The following KIAA1217 variants were observed in gnomAD, a reference collection of about 807,000 sequenced individuals.
KIAA1217 encodes KIAA1217.
Under a neutral mutation model 163.9 loss-of-function variants are expected in KIAA1217, and 88 were observed. The observed-to-expected ratio is 0.54, with a 90% CI of 0.45 to 0.64. The LOEUF (loss-of-function observed/expected upper bound fraction) is 0.64, where lower values mean the gene tolerates loss of function less well. Among genes scored for constraint, KIAA1217 ranks in the 30% least tolerant of loss-of-function variants. KIAA1217 has a pLI of 0.00. For synonymous variants in KIAA1217, 903 were observed against 923.1 expected (o/e 0.98, Z 0.39); for missense variants, 2,372 against 2,475.0 (o/e 0.96, Z 0.88).
chr10:24,411,040 A>G (rs2057726621), intron 3 of KIAA1217, among the ~76,000 whole-genome samples: 1 of 152,178 alleles, frequency 6.6e-6, no homozygotes, highest in Admixed American at 6.5e-5. Context: ...ACCTATTAAA[A>G]ACAATATCCA....
intron 2 of KIAA1217, among the ~76,000 whole-genome samples, chr10:24,142,710 A>T (rs1297790484): frequency 6.6e-6 from 1 of 152,232 alleles, no homozygotes; most frequent in East Asian, 1.9e-4. Context: ...AACCTTGAAC[A>T]TTGTCAAGAA....
intron 6 of KIAA1217, among the ~76,000 whole-genome samples, chr10:24,493,095 C>T (rs1476350304): frequency 2.6e-5 from 4 of 152,244 alleles, no homozygotes; most frequent in African/African-American, 9.6e-5. Flanking sequence ...ATCCGCCCAC[C>T]TGGGCCTCCC....
chr10:23,927,522 G>T (rs1843074584), intron 1 of KIAA1217, among the ~76,000 whole-genome samples: 1 of 152,168 alleles, frequency 6.6e-6, no homozygotes, highest in Non-Finnish European at 1.5e-5. Flanking sequence ...TTATTTTCCT[G>T]TGAGAGAAGG....
intron 2 of KIAA1217, among the ~76,000 whole-genome samples, chr10:24,129,358 T>A (rs1476154171): frequency 6.6e-6 from 1 of 152,050 alleles, no homozygotes; most frequent in Non-Finnish European, 1.5e-5. Flanking sequence ...AAATCAGGGG[T>A]AGGAGTTATA....
intron 11 of KIAA1217, among the ~76,000 whole-genome samples, chr10:24,521,026 T>TAAA (rs1176247725): frequency 1.1e-5 from 1 of 88,822 alleles, no homozygotes; most frequent in African/African-American, 4.2e-5. Flanking sequence ...ACCCCATCTC[T>TAAA]AAAAAAAAAA....
intron 2 of KIAA1217, among the ~76,000 whole-genome samples, chr10:24,065,139 T>C (rs1409742258): frequency 6.6e-6 from 1 of 152,244 alleles, no homozygotes; most frequent in Non-Finnish European, 1.5e-5. Context: ...TGTCTCTATT[T>C]CCTTCAGTTC....
chr10:23,730,388 G>T (rs763161893), intron 1 of KIAA1217, among the ~76,000 whole-genome samples: 5 of 152,048 alleles, frequency 3.3e-5, no homozygotes, highest in Admixed American at 3.3e-4. Context: ...CTACTGTTTG[G>T]CGAATACCGT....
rs370887613 is a variant in KIAA1217, at chr10:24,367,089, A to AT, written c.355-13773dup. ...CATGTTTTCACCCCTTTTCTTTCCT[A>AT]TTTTTTTCTTGTTTTCTCCTGGTCC... On this transcript the variant is annotated intron_variant, in intron 2 of 20. Coordinates refer to ENST00000376454, the MANE Select transcript of KIAA1217 (RefSeq NM_019590.5). 2.9e-3 allele frequency: 2,737 copies of AT among 936,910 alleles called. 80 individuals are homozygous for AT. The African/African-American group carries it at 0.047, about 16-fold the overall frequency. The allele number at this position is 936,910 out of a possible 1,614,324, so 58.0% of individuals were successfully genotyped here.
intron 2 of KIAA1217, among the ~76,000 whole-genome samples, chr10:24,182,310 C>T (rs1014112676): frequency 6.6e-6 from 1 of 152,110 alleles, no homozygotes; most frequent in Non-Finnish European, 1.5e-5. Flanking sequence ...GTGGTGTGCA[C>T]CTGTAGTGCC....
chr10:23,931,680 C>T (rs1026334661), intron 1 of KIAA1217, among the ~76,000 whole-genome samples: 13 of 152,182 alleles, frequency 8.5e-5, no homozygotes, highest in African/African-American at 1.9e-4. Context: ...CTATCACAAA[C>T]GAGCCCCACT....
At position 24,130,023 on chromosome 10, in the gene KIAA1217, G is replaced by A. The variant is rs189276193; in HGVS notation, c.-170-89603G>A. On this transcript the variant is annotated intron_variant, in intron 2 of 18. Transcript: ENST00000376462. ...AATAAGACCTTCATCCTTAGTATAT[G>A]CATATTCTTCAGAAACTTGTTCACC... 3.3e-5 allele frequency among the ~76,000 whole-genome samples: 5 copies of A among 152,006 alleles called. No homozygotes were observed. In the East Asian group the frequency reaches 7.8e-4, roughly 24 times the overall value.
At chr10:23,792,292 A>C (rs1835985230) in intron 1 of KIAA1217, among the ~76,000 whole-genome samples, 1 of 152,192 alleles carries the variant, frequency 6.6e-6, no homozygotes, top group Admixed American at 6.5e-5. Context: ...TGTCTACAGA[A>C]GCCTGCTATT....
chr10:24,318,227 T>G (rs2043663305), intron 2 of KIAA1217, among the ~76,000 whole-genome samples: 1 of 152,090 alleles, frequency 6.6e-6, no homozygotes, highest in African/African-American at 2.4e-5. Flanking sequence ...GATAGATAGA[T>G]AGATGGATAG....
Position 24,436,582 on chromosome 10 carries a change from A to C in KIAA1217, c.753-1804A>C, listed in dbSNP as rs7093458. 6.4e-3 allele frequency among the ~76,000 whole-genome samples: 964 copies of C among 151,664 alleles called. 6 individuals are homozygous for C. The highest frequency in any genetic ancestry group is 0.02 in the African/African-American group (827 of 41,370). On this transcript the variant is annotated intron_variant, in intron 4 of 20. Transcript: ENST00000376454. ...GACCATCCTGGTTAACACAGTGAAA[A>C]CCCGTCTCTACGGAAAATACAAAAA...
rs760779363 is a variant in KIAA1217 at position 24,524,692 on chromosome 10, G to A, written c.2826G>A (p.Gly942=). The change falls in exon 13 of 21, where the codon GGG becomes GGA. Residue 942 remains glycine (G), a synonymous_variant. Transcript: ENST00000376454. ...AGTCCCCACAGATACCCATGAATGGGTCTGCCATGCAGAGCTTGTTCATTG... is the reference window on the plus strand; with the variant it reads ...AGTCCCCACAGATACCCATGAATGGATCTGCCATGCAGAGCTTGTTCATTG... The part of the protein sequence containing the change: ...APQSPQIPMN[G]SAMQSLFIEE... 1 of 1,613,982 alleles carries A rather than the reference G, an allele frequency of 6.2e-7. No homozygotes were observed. The highest frequency in any genetic ancestry group is 2.2e-5 in the East Asian group (1 of 44,870).
At chr10:24,510,029 C>G (rs1011734440) in intron 9 of KIAA1217, among the ~76,000 whole-genome samples, 1 of 152,100 alleles carries the variant, frequency 6.6e-6, no homozygotes, top group Non-Finnish European at 1.5e-5. Context: ...CAGTTCTAAC[C>G]TGTGTTGTTC....
chr10:24,032,061 A>G (rs1848210036), intron 2 of KIAA1217, among the ~76,000 whole-genome samples: 1 of 135,792 alleles, frequency 7.4e-6, no homozygotes, highest in African/African-American at 2.8e-5. Context: ...AGTACCTACA[A>G]TTTATGAATA....
intron 1 of KIAA1217, among the ~76,000 whole-genome samples, chr10:23,873,338 C>A (rs1840547341): frequency 6.6e-6 from 1 of 151,844 alleles, no homozygotes; most frequent in Non-Finnish European, 1.5e-5. Flanking sequence ...ACCAATAATT[C>A]AATTAGAATA....
intron 1 of KIAA1217, among the ~76,000 whole-genome samples, chr10:23,962,722 G>T (rs528017284): frequency 6.6e-6 from 1 of 152,326 alleles, no homozygotes; most frequent in African/African-American, 2.4e-5. Context: ...TGGATGGGAA[G>T]TTAACTGGAT....
Sources: allele counts gnomAD v4.1 joint callset (sites outside exome capture counted in the v4.1 genomes callset), GRCh38; gene constraint gnomAD v4.1.1; transcripts MANE v1.5; gene names NCBI Gene and HGNC (gene_info 2026-07-23, HGNC 2026-07-21).